MMP26: variants seen among roughly 807,000 people sequenced by gnomAD.
The protein encoded by MMP26 is matrix metallopeptidase 26, also known as matrix metalloproteinase-26.
In MMP26, 33 loss-of-function variants were observed where a neutral mutation model predicts 31.0. The observed-to-expected ratio is 1.06, with a 90% CI of 0.81 to 1.42. The LOEUF (loss-of-function observed/expected upper bound fraction) is 1.42. Among genes scored for constraint, MMP26 ranks in the 40% most tolerant of loss-of-function variants. The pLI is 0.00. For synonymous variants in MMP26, 122 were observed against 114.9 expected (o/e 1.06, Z -0.40); for missense variants, 347 against 316.1 (o/e 1.10, Z -0.74).
intron 2 of MMP26, chr11:4,937,799 G>C (rs1846149213): frequency 6.3e-6 from 1 of 158,516 alleles, no homozygotes; most frequent in African/African-American, 2.4e-5. Context: ...CTCAGCCTTT[G>C]CAAGAGAAAG....
intron 2 of MMP26, among the ~76,000 whole-genome samples, chr11:4,987,642 T>C (rs1203826354): frequency 1.3e-5 from 2 of 151,554 alleles, no homozygotes; most frequent in Non-Finnish European, 2.9e-5. Context: ...ATGGTCTCGA[T>C]CTCCTGACTT....
chr11:4,981,638 A>G (rs907931003), intron 2 of MMP26, among the ~76,000 whole-genome samples: 1 of 149,932 alleles, frequency 6.7e-6, no homozygotes, highest in Non-Finnish European at 1.5e-5. Flanking sequence ...TTAGCTTAAA[A>G]CTTTCTTATT....
chr11:4,787,445 T>G (rs1007489123), intron 2 of MMP26: 3 of 152,228 alleles, frequency 2.0e-5, no homozygotes, highest in African/African-American at 7.2e-5. Flanking sequence ...CTAAACATCA[T>G]CTCTTCAGAG....
At chr11:4,842,695 C>T (rs1416300772) in intron 2 of MMP26, among the ~76,000 whole-genome samples, 1 of 152,104 alleles carries the variant, frequency 6.6e-6, no homozygotes, top group African/African-American at 2.4e-5. Flanking sequence ...CCTTGACCCT[C>T]CAAAATCTCA....
intron 2 of MMP26, among the ~76,000 whole-genome samples, chr11:4,963,615 T>A (rs1343267474): frequency 6.6e-6 from 1 of 152,074 alleles, no homozygotes; most frequent in Non-Finnish European, 1.5e-5. Context: ...TCCTTGCTTT[T>A]TATGACGTGT....
Position 4,954,230 on chromosome 11 carries a change from G to A in MMP26, c.-144-33838G>A, listed in dbSNP as rs1172809411. 2.2e-5 allele frequency among the ~76,000 whole-genome samples: 2 copies of A among 90,260 alleles called. 1 individual carries two copies. Among genetic ancestry groups the A allele is most frequent in the Non-Finnish European group, 5.0e-5 (2 of 40,056 alleles). 59.2% of individuals were successfully genotyped at this position (90,260 alleles called of 152,430 possible). On this transcript the variant is annotated intron_variant, in intron 2 of 7. Transcript: ENST00000380390. ...TGAAGAAATGCTTGGTGACTTCTAG[G>A]GTGGGGAAATGATGGGGCGGGGATT...
chr11:4,821,883 T>C (rs765103152), intron 2 of MMP26: 17 of 1,613,910 alleles, frequency 1.1e-5, no homozygotes, highest in Admixed American at 1.0e-4. Context: ...TGATAAGAAA[T>C]GTTGCCGTCA....
intron 1 of MMP26, among the ~76,000 whole-genome samples, chr11:4,725,771 G>A (rs538503103): frequency 6.6e-6 from 1 of 152,298 alleles, no homozygotes; most frequent in Non-Finnish European, 1.5e-5. Context: ...TGAGAAACCT[G>A]AAGATCAGAA....
chr11:4,884,719 C>T (rs1850525728), intron 2 of MMP26, among the ~76,000 whole-genome samples: 1 of 152,124 alleles, frequency 6.6e-6, no homozygotes, highest in Non-Finnish European at 1.5e-5. Flanking sequence ...ATCTACAATC[C>T]TCTATTTGCA....
At chr11:4,741,075 C>G (rs962884592) in intron 1 of MMP26, among the ~76,000 whole-genome samples, 21 of 152,058 alleles carry the variant, frequency 1.4e-4, no homozygotes, top group African/African-American at 4.8e-4. Flanking sequence ...TTAATTCATC[C>G]CGAGTTAATT....
intron 2 of MMP26, among the ~76,000 whole-genome samples, chr11:4,850,536 C>T (rs1589919299): frequency 6.6e-6 from 1 of 151,954 alleles, no homozygotes; most frequent in African/African-American, 2.4e-5. Flanking sequence ...TCTTCCCTGC[C>T]CAAATGCCCA....
intron 1 of MMP26, chr11:4,723,844 C>G (rs1014926933): frequency 6.6e-7 from 1 of 1,519,956 alleles, no homozygotes; most frequent in Non-Finnish European, 9.1e-7. Flanking sequence ...CTCCAGGAAC[C>G]GTACCTTGTC....
At chr11:4,759,685 T>C (rs1000169894) in intron 1 of MMP26, among the ~76,000 whole-genome samples, 4 of 152,224 alleles carry the variant, frequency 2.6e-5, no homozygotes, top group Admixed American at 1.3e-4. Context: ...CTATATCCTA[T>C]GATTAGTGGG....
chr11:4,953,402 G>T lies in MMP26; in HGVS notation c.-144-34666G>T, dbSNP rs1284205832. On this transcript the variant is annotated intron_variant, in intron 2 of 7. Coordinates refer to ENST00000380390, the MANE Select transcript of MMP26 (RefSeq NM_021801.5). ...GCTCATAATACACTTTATTCAAGAA[G>T]TAGAAAGAAATGAAATAAGCACAAA... 3.2e-5 allele frequency among the ~76,000 whole-genome samples: 4 copies of T among 124,374 alleles called. 1 individual carries two copies. The highest frequency in any genetic ancestry group is 1.1e-4 in the African/African-American group (4 of 36,628). 81.6% of individuals were successfully genotyped at this position (124,374 alleles called of 152,430 possible). A position where few individuals can be genotyped will look rare whatever the true frequency, so the allele number is the denominator to read the frequency against.
chr11:4,901,980 A>C (rs1352807983), intron 2 of MMP26, among the ~76,000 whole-genome samples: 1 of 152,214 alleles, frequency 6.6e-6, no homozygotes. Context: ...ATCCAGGTTA[A>C]TCTTAATCTT....
At chr11:4,709,460 C>T (rs973123670) in intron 1 of MMP26, 3 of 353,782 alleles carry the variant, frequency 8.5e-6, no homozygotes, top group Non-Finnish European at 1.7e-5. Context: ...ATGTGGTTCT[C>T]TAGTGATCAC....
intron 2 of MMP26, among the ~76,000 whole-genome samples, chr11:4,879,585 C>A (rs1850430066): frequency 6.6e-6 from 1 of 152,150 alleles, no homozygotes; most frequent in South Asian, 2.1e-4. Context: ...ATTAAAAAAT[C>A]TCTCTGAACT....
At chr11:4,961,731 C>G (rs192945855) in intron 2 of MMP26, among the ~76,000 whole-genome samples, 1 of 152,042 alleles carries the variant, frequency 6.6e-6, no homozygotes, top group Non-Finnish European at 1.5e-5. Flanking sequence ...TGGGAGATTG[C>G]AATTTTTGAG....
chr11:4,733,868 AG>A (rs1305368374), intron 1 of MMP26, among the ~76,000 whole-genome samples: 5 of 152,034 alleles, frequency 3.3e-5, no homozygotes, highest in African/African-American at 1.2e-4. Flanking sequence ...TACATTGTTG[AG>A]TGTTGTTATC....
Sources: gnomAD v4.1 joint callset for allele counts (sites outside exome capture counted in the v4.1 genomes callset) on GRCh38, gnomAD v4.1.1 for gene constraint, MANE v1.5 for transcripts, NCBI Gene and HGNC (gene_info 2026-07-23, HGNC 2026-07-21) for gene names.